Variants in LZTR1 observed in about 807,000 individuals in gnomAD.
The protein encoded by LZTR1 is leucine zipper like post translational regulator 1.
Under a neutral mutation model 105.7 loss-of-function variants are expected in LZTR1, and 260 were observed. That is an observed-to-expected ratio of 2.46 (90% CI 2.22 to 2.72). LZTR1 has a LOEUF of 2.72. Among genes scored for constraint, LZTR1 ranks in the 30% most tolerant of loss-of-function variants. The pLI, the probability that LZTR1 is intolerant of heterozygous loss-of-function variation, is 0.00. For synonymous variants in LZTR1, 490 were observed against 476.4 expected, an observed-to-expected ratio of 1.03 and a Z score of -0.37; for missense variants, 1,214 against 1,166.9, an observed-to-expected ratio of 1.04 and a Z score of -0.59.
Position 20,995,005 on chromosome 22 carries a change from T to G in LZTR1, c.1921T>G (p.Leu641Val), listed in dbSNP as rs1221888151. 1.2e-6 allele frequency: 2 copies of G among 1,612,116 alleles called. No homozygotes were observed. The highest frequency in any genetic ancestry group is 3.3e-5 in the Admixed American group (2 of 59,920). ...GCAGCAGCCGCCCCCTCGCACTCCC[T>G]TGGACCAGCCAGTGGACATTGGTAG... ...RKQQPPPRTP[L>V]DQPVDIGTSL... Residue 641 changes from leucine (L) to valine (V), a missense_variant, in exon 16 of 21, where the codon TTG (leucine) becomes GTG (valine). By Grantham distance (32) the Leu-to-Val change is conservative. Coordinates refer to ENST00000646124, the MANE Select transcript of LZTR1 (RefSeq NM_006767.4).
rs578100969 is a variant in LZTR1, at chr22:20,982,418, T to C, written c.47T>C (p.Leu16Pro). ...GGGGGGCAGATCGGGGCTGCGGCCCTGGCAGGCGGCGCGCGGTCCAAGGTA... is the reference window on the plus strand; with the variant it reads ...GGGGGGCAGATCGGGGCTGCGGCCCCGGCAGGCGGCGCGCGGTCCAAGGTA... ...STGGQIGAAA[L>P]AGGARSKVAP... The change falls in exon 1 of 21, where the codon CTG (leucine) becomes CCG (proline). Residue 16 changes from leucine to proline, a missense_variant. Coordinates refer to ENST00000646124, the MANE Select transcript of LZTR1 (RefSeq NM_006767.4). 7 of 1,573,060 alleles carry C rather than the reference T, an allele frequency of 4.4e-6. No individual in the cohort carries two copies. Among genetic ancestry groups the C allele is most frequent in the South Asian group, 1.2e-5 (1 of 86,446 alleles).
intron 11 of LZTR1, 190 bp from the exon 12 acceptor site, chr22:20,993,472 C>A: frequency 3.3e-6 from 2 of 599,560 alleles, no homozygotes; most frequent in Non-Finnish European, 6.0e-6. Flanking sequence ...GTTGCAGGTG[C>A]TGAGGCTGGA....
In LZTR1 at chr22:20,983,043, G is replaced by T; in HGVS notation, c.217G>T (p.Val73Leu). 1 of 1,614,164 alleles carries T rather than the reference G, an allele frequency of 6.2e-7. No homozygotes were observed. The highest frequency in any genetic ancestry group is 8.5e-7 in the Non-Finnish European group (1 of 1,180,002). ...TCTTTCCAGGCGCAGCAAGCACACA[G>T]TGGTGGCCTATAAAGATGCCATTTA... ...FVGARRSKHT[V>L]VAYKDAIYVF... is the part of the protein sequence containing the mutation. The change falls in exon 2 of 21, where the codon GTG becomes TTG. Residue 73 changes from valine to leucine, a missense_variant. Transcript: ENST00000646124.
At position 20,993,812 on chromosome 22, in the gene LZTR1, G is replaced by T; in HGVS notation, c.1353+58G>T. 3.2e-6 allele frequency: 5 copies of T among 1,575,684 alleles called. No individual in the cohort carries two copies. In the South Asian group the frequency reaches 5.6e-5, roughly 18 times the overall value. On this transcript the variant is annotated intron_variant, in intron 12 of 20. Transcript: ENST00000646124. ...GCTGTGCCTGGGCAGTGGGAATTTC[G>T]CCCCTCAGAAAAACAGCTGCTGGCC...
At chr22:20,990,942 G>A (rs766259458) in intron 8 of LZTR1, 57 of 178,356 alleles carry the variant, frequency 3.2e-4, no homozygotes, top group Non-Finnish European at 5.9e-4. Flanking sequence ...GGGGCTGCAG[G>A]AGAGGGCACA....
At chr22:20,982,638 A>C in intron 1 of LZTR1, 67 bp downstream of exon 1, 1 of 1,506,542 alleles carries the variant, frequency 6.6e-7, no homozygotes, top group Non-Finnish European at 9.1e-7. Context: ...GGGCGGGTCC[A>C]GGGGCGAAGC....
Position 20,991,622 on chromosome 22 carries a change from C to T in LZTR1, c.792-6C>T. On this transcript the variant is annotated splice_region_variant and splice_polypyrimidine_tract_variant and intron_variant, in intron 8 of 20. Transcript: ENST00000646124. ...CCAGCATTGATTCACTGTTGTGTAC[C>T]CCCAGGTGGACACGCATCCCAACTG... The T allele has an allele frequency of 6.3e-7, 1 of 1,575,596 alleles. No individual in the cohort carries two copies. Among genetic ancestry groups the T allele is most frequent in the Non-Finnish European group, 8.6e-7 (1 of 1,165,804 alleles).
At chr22:20,986,102 C>T (rs925509508) in intron 3 of LZTR1, 1 of 600,210 alleles carries the variant, frequency 1.7e-6, no homozygotes, top group African/African-American at 1.9e-5. Flanking sequence ...GCACCTGCAG[C>T]TGCCAAGCTG....
intron 16 of LZTR1, 28 bp downstream of exon 16, chr22:20,995,054 G>A: frequency 1.3e-6 from 2 of 1,587,018 alleles, no homozygotes; most frequent in Non-Finnish European, 1.7e-6. Flanking sequence ...CCTTCCCTGG[G>A]GGCTGGGAGG....
At chr22:20,985,470 A>T (rs1924346854) in intron 2 of LZTR1, among the ~76,000 whole-genome samples, 1 of 140,152 alleles carries the variant, frequency 7.1e-6, no homozygotes, top group Non-Finnish European at 1.5e-5. Flanking sequence ...GCTGCAGAGG[A>T]AGGGGATTGG....
At chr22:20,985,819 C>G in intron 2 of LZTR1, 22 bp from the exon 3 acceptor site, 1 of 1,613,546 alleles carries the variant, frequency 6.2e-7, no homozygotes, top group Non-Finnish European at 8.5e-7. Flanking sequence ...TAATGCCACC[C>G]TCTCTTCCGG....
Position 20,989,050 on chromosome 22 carries a change from G to C in LZTR1, c.593+178G>C, listed in dbSNP as rs574577408. On this transcript the variant is annotated intron_variant, in intron 6 of 20. Coordinates refer to ENST00000646124, the MANE Select transcript of LZTR1 (RefSeq NM_006767.4). Reference sequence around the variant, plus strand: ...GGGGAAAGAGGAGGATGGACAGATGGAGGTGAGGGCCACTGGGTGGAGCCC... The same window carrying C: ...GGGGAAAGAGGAGGATGGACAGATGCAGGTGAGGGCCACTGGGTGGAGCCC... Among the ~76,000 whole-genome samples, 3 of 152,306 alleles carry C rather than the reference G, an allele frequency of 2.0e-5. No homozygotes were observed. In the East Asian group the frequency reaches 5.8e-4, roughly 29 times the overall value.
In LZTR1 at chr22:20,996,752, A is replaced by T. The variant is rs1924867910; in HGVS notation, c.2276A>T (p.Tyr759Phe). 1 of 1,613,438 alleles carries T rather than the reference A, an allele frequency of 6.2e-7. No homozygotes were observed. The highest frequency in any genetic ancestry group is 8.5e-7 in the Non-Finnish European group (1 of 1,180,012). The change falls in exon 19 of 21, where the codon TAC (tyrosine) becomes TTC (phenylalanine). Residue 759 changes from tyrosine (Y) to phenylalanine (F), a missense_variant. Physicochemically the swap from Tyr to Phe is conservative, Grantham distance 22 (BLOSUM62 3). Transcript: ENST00000646124. The part of the protein sequence containing the change: ...YGFYNNRLQA[Y>F]CKQNLEMNVT... ...TTCTACAACAACCGGCTGCAGGCGT[A>T]CTGCAAGCAGAACCTGGAGATGAAC... is the stretch of plus-strand genomic sequence containing the variant.
In LZTR1 at chr22:20,994,870, G is replaced by A. The variant is rs1035245166; in HGVS notation, c.1786G>A (p.Glu596Lys). 1.2e-6 allele frequency: 2 copies of A among 1,613,064 alleles called. No individual in the cohort carries two copies. The highest frequency in any genetic ancestry group is 1.3e-5 in the African/African-American group (1 of 74,914). The change falls in exon 16 of 21, where the codon GAG (glutamate) becomes AAG (lysine). Residue 596 changes from glutamate (E) to lysine (K), a missense_variant and splice_region_variant. Coordinates refer to ENST00000646124, the MANE Select transcript of LZTR1 (RefSeq NM_006767.4). ...GCCTGCCTGTGCCTGTCTGCCCCAG[G>A]AGCACTGCCTGAACTTCGTGGTAAA... ...AARLQLSQLK[E>K]HCLNFVVKES...
chr22:20,987,875 A>T, intron 4 of LZTR1, 135 bp from the exon 5 acceptor site: 1 of 657,314 alleles, frequency 1.5e-6, no homozygotes, highest in Non-Finnish European at 2.7e-6. Flanking sequence ...GACAGGCAGC[A>T]GGTCGTTCCG....
Position 20,993,042 on chromosome 22 carries a change from G to T in LZTR1, c.1260+138G>T, listed in dbSNP as rs545220502. ...TGGCAGGATGGAAGCCTTGGGAGGA[G>T]CCCTGTGGGCTGAGGGTGGGCTGAG... On this transcript the variant is annotated intron_variant, in intron 11 of 20. Transcript: ENST00000646124. 1.1e-5 allele frequency: 7 copies of T among 646,562 alleles called. No homozygotes were observed. The East Asian group carries it at 1.7e-4, about 16-fold the overall frequency. 40.1% of individuals were successfully genotyped at this position (646,562 alleles called of 1,614,324 possible).
intron 16 of LZTR1, chr22:20,995,296 AGG>A (rs1409674855): frequency 1.5e-6 from 1 of 664,842 alleles, no homozygotes; most frequent in East Asian, 3.1e-5. Context: ...CTTTCGGGCT[AGG>A]ATGTCAGGTC....
chr22:20,997,528 C>A lies in LZTR1; in HGVS notation c.*180C>A, dbSNP rs992890181. On this transcript the variant is annotated 3_prime_UTR_variant, in exon 21 of 21. Transcript: ENST00000646124. ...GTGGGGCCCCAAACTCATTAATTCA[C>A]TGAAGACACAGGTCCCACAGGGAGC... 1.6e-5 allele frequency: 9 copies of A among 576,748 alleles called. No homozygotes were observed. The African/African-American group carries it at 1.7e-4, about 11-fold the overall frequency. The allele number at this position is 576,748 out of a possible 1,614,324, so 35.7% of individuals were successfully genotyped here. A position where few individuals can be genotyped will look rare whatever the true frequency, so the allele number is the denominator to read the frequency against.
chr22:20,985,348 C>T (rs1924341657), intron 2 of LZTR1, among the ~76,000 whole-genome samples: 1 of 152,182 alleles, frequency 6.6e-6, no homozygotes. Context: ...GCGTGAGCCA[C>T]CGAGCCCAGC....
Sources: allele counts gnomAD v4.1 joint callset (sites outside exome capture counted in the v4.1 genomes callset), GRCh38; gene constraint gnomAD v4.1.1; transcripts MANE v1.5; gene names NCBI Gene and HGNC (gene_info 2026-07-23, HGNC 2026-07-21).